Variants in TLR10 observed in about 807,000 individuals in gnomAD.
TLR10 encodes the protein toll like receptor 10, also known as toll-like receptor 10.
For missense variants in TLR10, 929 were observed against 932.9 expected (o/e 1.00, Z 0.05); for synonymous variants, 288 against 338.8 (o/e 0.85, Z 1.65).
intron 1 of TLR10, among the ~76,000 whole-genome samples, chr4:38,780,730 A>G (rs901864745): frequency 2.6e-5 from 4 of 152,254 alleles, no homozygotes; most frequent in African/African-American, 9.6e-5. Context: ...ATTTTTAAAA[A>G]TGAAAATTAA....
intron 1 of TLR10, among the ~76,000 whole-genome samples, chr4:38,777,211 T>C (rs6856864): frequency 0.095 from 14,448 of 152,066 alleles, 1,170 homozygotes; most frequent in African/African-American, 0.2. Context: ...TGATCAAAAA[T>C]GGCCTCCCTG....
intron 1 of TLR10, among the ~76,000 whole-genome samples, chr4:38,778,396 C>T (rs1288638779): frequency 6.6e-5 from 10 of 151,518 alleles, no homozygotes; most frequent in African/African-American, 2.4e-4. Context: ...CAAACATGCA[C>T]GTTCCGCACA....
chr4:38,775,700 C>T lies in TLR10; in HGVS notation c.-62-48G>A. On this transcript the variant is annotated intron_variant, in intron 3 of 3. Coordinates refer to ENST00000308973, the MANE Select transcript of TLR10 (RefSeq NM_030956.4). ...AGATTTTTATTTGGTTTGTTAAATC[C>T]TGTAGGATTTTTATTTGCAAAAAAA... 11 of 1,167,958 alleles carry T rather than the reference C, an allele frequency of 9.4e-6. No individual in the cohort carries two copies. The South Asian group carries it at 2.1e-4, about 23-fold the overall frequency. The allele number at this position is 1,167,958 out of a possible 1,614,324, so 72.3% of individuals were successfully genotyped here. A position where few individuals can be genotyped will look rare whatever the true frequency, so the allele number is the denominator to read the frequency against.
chr4:38,773,151 G>A lies in TLR10; in HGVS notation c.*4C>T, dbSNP rs765138772. 1 of 1,512,166 alleles carries A rather than the reference G, an allele frequency of 6.6e-7. No homozygotes were observed. Among genetic ancestry groups the A allele is most frequent in the South Asian group, 1.4e-5 (1 of 72,290 alleles). 93.7% of individuals were successfully genotyped at this position (1,512,166 alleles called of 1,614,324 possible). A position where few individuals can be genotyped will look rare whatever the true frequency, so the allele number is the denominator to read the frequency against. On this transcript the variant is annotated 3_prime_UTR_variant, in exon 4 of 4. Transcript: ENST00000308973. ...GTCCCCAACTTCCCAAGGACTGTGG[G>A]ATTTTATAGACAATCTGTTCTCATC...
In TLR10 at chr4:38,773,777, C is replaced by A. The variant is rs1724810624; in HGVS notation, c.1814G>T (p.Trp605Leu). ...GCATTGACCTAGCATCCTGAGATAC[C>A]AGGGCAGATCAAAGTGGAGACAGCA... The part of the protein sequence containing the change: ...AFCCLHFDLP[W>L]YLRMLGQCTQ... Residue 605 changes from tryptophan (W) to leucine (L), a missense_variant, in exon 4 of 4, where the codon TGG (tryptophan) becomes TTG (leucine). Transcript: ENST00000308973. The A allele has an allele frequency of 1.2e-6, 2 of 1,606,184 alleles. No homozygotes were observed. The highest frequency in any genetic ancestry group is 1.7e-6 in the Non-Finnish European group (2 of 1,176,894).
chr4:38,782,377 C>T (rs1465592008), intron 1 of TLR10, among the ~76,000 whole-genome samples: 1 of 152,152 alleles, frequency 6.6e-6, no homozygotes, highest in East Asian at 1.9e-4. Context: ...TATCAAGAAA[C>T]CAAATGCTCA....
At position 38,772,923 on chromosome 4, in the gene TLR10, A is replaced by G. The variant is rs940419285; in HGVS notation, c.*232T>C. 3.1e-6 allele frequency: 1 copy of G among 318,124 alleles called. No homozygotes were observed. Among genetic ancestry groups the G allele is most frequent in the East Asian group, 6.2e-5 (1 of 16,190 alleles). The allele number at this position is 318,124 out of a possible 1,614,324, so 19.7% of individuals were successfully genotyped here. A position where few individuals can be genotyped will look rare whatever the true frequency, so the allele number is the denominator to read the frequency against. Reference sequence around the variant, plus strand: ...AGAGTGAGCCACTGCACCTGGCCACATTTTTCATGATTATAAACAATCCTG... The same window carrying G: ...AGAGTGAGCCACTGCACCTGGCCACGTTTTTCATGATTATAAACAATCCTG... On this transcript the variant is annotated 3_prime_UTR_variant, in exon 4 of 4. Transcript: ENST00000308973.
rs370130444 is a variant in TLR10, at chr4:38,774,336, A to G, written c.1255T>C (p.Trp419Arg). ...LQHKNDENCS[W>R]PETVVNMNLS... ...TTCATATTGACCACAGTTTCTGGCC[A>G]TGAGCAATTTTCATCATTTTTATGT... Residue 419 changes from tryptophan (W) to arginine (R), a missense_variant, in exon 4 of 4, where the codon TGG (tryptophan) becomes CGG (arginine). Transcript: ENST00000308973. The G allele has an allele frequency of 6.0e-5, 97 of 1,611,646 alleles. 1 individual carries two copies. The Middle Eastern group carries it at 8.2e-4, about 14-fold the overall frequency.
In TLR10 at chr4:38,774,622, C is replaced by G. The variant is rs1199917014; in HGVS notation, c.969G>C (p.Leu323Phe). 6.3e-6 allele frequency: 10 copies of G among 1,583,736 alleles called. No individual in the cohort carries two copies. Among genetic ancestry groups the G allele is most frequent in the Non-Finnish European group, 7.7e-6 (9 of 1,169,396 alleles). The change falls in exon 4 of 4, where the codon TTG becomes TTC. Residue 323 changes from leucine (L) to phenylalanine (F), a missense_variant. Leu to Phe is a conservative substitution (Grantham distance 22). Coordinates refer to ENST00000308973, the MANE Select transcript of TLR10 (RefSeq NM_030956.4). ...YIQQDKIYLL[L>F]TKMDIENLTI... Reference sequence around the variant, plus strand: ...TCAGGTTTTCTATGTCCATTTTGGTCAAAAGCAAATAGATTTTATCCTGTT... The same window carrying G: ...TCAGGTTTTCTATGTCCATTTTGGTGAAAAGCAAATAGATTTTATCCTGTT...
chr4:38,780,403 C>CAAAAAA (rs531723110), intron 1 of TLR10, among the ~76,000 whole-genome samples: 12,499 of 140,268 alleles, frequency 0.089, 1,014 homozygotes, highest in African/African-American at 0.18. Context: ...GACTCAGTTT[C>CAAAAAA]AAAAAAAAAA....
chr4:38,781,446 T>G (rs543733096), intron 1 of TLR10, among the ~76,000 whole-genome samples: 191 of 152,276 alleles, frequency 1.3e-3, no homozygotes, highest in Admixed American at 3.6e-3. Flanking sequence ...GCGATTCTCC[T>G]GCCGCAGCCT....
In TLR10 at chr4:38,774,170, G is replaced by A; in HGVS notation, c.1421C>T (p.Ala474Val). 3.1e-6 allele frequency: 5 copies of A among 1,611,172 alleles called. No individual in the cohort carries two copies. Among genetic ancestry groups the A allele is most frequent in the Non-Finnish European group, 4.2e-6 (5 of 1,178,558 alleles). The change falls in exon 4 of 4, where the codon GCA becomes GTA. Residue 474 changes from alanine to valine, a missense_variant. By Grantham distance (64) the Ala-to-Val change is moderately conservative. Transcript: ENST00000308973. ...HLMALRELNI[A>V]FNFLTDLPGC... is the part of the protein sequence containing the mutation. ...AGGGAGATCAGTTAGAAAATTAAAT[G>A]CAATATTTAGTTCTCGTAAGGCCAT...
In TLR10 at chr4:38,774,882, G is replaced by T; in HGVS notation, c.709C>A (p.Leu237Ile). 1.2e-6 allele frequency: 2 copies of T among 1,608,048 alleles called. No homozygotes were observed. Among genetic ancestry groups the T allele is most frequent in the Non-Finnish European group, 1.7e-6 (2 of 1,177,478 alleles). The change falls in exon 4 of 4, where the codon CTT becomes ATT. Residue 237 changes from leucine to isoleucine, a missense_variant. By Grantham distance (5) the Leu-to-Ile change is conservative. Coordinates refer to ENST00000308973, the MANE Select transcript of TLR10 (RefSeq NM_030956.4). The part of the protein sequence containing the change: ...QFVSYEMQRN[L>I]SLENAKTSVL... ...GATGTCTTAGCATTTTCTAAACTAA[G>T]ATTTCGTTGCATTTCATAACTTACA... is the stretch of plus-strand genomic sequence containing the variant.
chr4:38,774,402 T>G lies in TLR10; in HGVS notation c.1189A>C (p.Thr397Pro), dbSNP rs1349401772. ...LSLVSCFANN[T>P]PLEHLDLSQN... ...CTCAGATCCAAGTGTTCCAAGGGTG[T>G]GTTGTTAGCAAAGCAACTTACTAAA... The change falls in exon 4 of 4, where the codon ACA (threonine) becomes CCA (proline). Residue 397 changes from threonine (T) to proline (P), a missense_variant. By Grantham distance (38) the Thr-to-Pro change is conservative. Coordinates refer to ENST00000308973, the MANE Select transcript of TLR10 (RefSeq NM_030956.4). 1 of 1,613,216 alleles carries G rather than the reference T, an allele frequency of 6.2e-7. No homozygotes were observed. Among genetic ancestry groups the G allele is most frequent in the Non-Finnish European group, 8.5e-7 (1 of 1,179,826 alleles).
Position 38,772,971 on chromosome 4 carries a change from G to T in TLR10, c.*184C>A. 2.0e-6 allele frequency: 1 copy of T among 494,810 alleles called. No homozygotes were observed. The highest frequency in any genetic ancestry group is 3.2e-6 in the Non-Finnish European group (1 of 311,762). 30.7% of individuals were successfully genotyped at this position (494,810 alleles called of 1,614,324 possible). Reference sequence around the variant, plus strand: ...CTGGGATGAACACCTTTTTCCATAAGCCCTTATAAACTTGTGAAGGTGTTT... The same window carrying T: ...CTGGGATGAACACCTTTTTCCATAATCCCTTATAAACTTGTGAAGGTGTTT... On this transcript the variant is annotated 3_prime_UTR_variant, in exon 4 of 4. Coordinates refer to ENST00000308973, the MANE Select transcript of TLR10 (RefSeq NM_030956.4).
rs1724993579 is a variant in TLR10, at chr4:38,775,406, T to C, written c.185A>G (p.Gln62Arg). 6.2e-7 allele frequency: 1 copy of C among 1,613,978 alleles called. No homozygotes were observed. Among genetic ancestry groups the C allele is most frequent in the South Asian group, 1.1e-5 (1 of 91,086 alleles). ...TLDLSYNLLF[Q>R]LQSSDFHSVS... ...AGAATGAAAATCTGAACTCTGGAGT[T>C]GAAAAAGGAGGTTATAGGATAAATC... The change falls in exon 4 of 4, where the codon CAA (glutamine) becomes CGA (arginine). Residue 62 changes from glutamine to arginine, a missense_variant. Transcript: ENST00000308973.
Position 38,774,648 on chromosome 4 carries a change from G to C in TLR10, c.943C>G (p.Gln315Glu), listed in dbSNP as rs1396188653. 2 of 1,569,832 alleles carry C rather than the reference G, an allele frequency of 1.3e-6. No individual in the cohort carries two copies. The highest frequency in any genetic ancestry group is 2.4e-5 in the South Asian group (2 of 82,360). ...AAAAGCAAATAGATTTTATCCTGTT[G>C]AATGTAAAACACTCTGAAATGTACA... The part of the protein sequence containing the change: ...EHVHFRVFYI[Q>E]QDKIYLLLTK... The change falls in exon 4 of 4, where the codon CAA (glutamine) becomes GAA (glutamate). Residue 315 changes from glutamine (Q) to glutamate (E), a missense_variant. Gln to Glu is a conservative substitution (Grantham distance 29). Transcript: ENST00000308973.
chr4:38,780,716 A>G (rs1007498206), intron 1 of TLR10, among the ~76,000 whole-genome samples: 2 of 152,234 alleles, frequency 1.3e-5, no homozygotes, highest in Non-Finnish European at 2.9e-5. Context: ...TGTTTACATG[A>G]AATATTTTTA....
chr4:38,776,915 G>A (rs745425419), intron 1 of TLR10, among the ~76,000 whole-genome samples: 4 of 152,160 alleles, frequency 2.6e-5, no homozygotes, highest in Non-Finnish European at 5.9e-5. Flanking sequence ...CATGTCTTAT[G>A]TGGCAGCAGG....
Sources: allele counts gnomAD v4.1 joint callset (sites outside exome capture counted in the v4.1 genomes callset), GRCh38; gene constraint gnomAD v4.1.1; transcripts MANE v1.5; gene names NCBI Gene and HGNC (gene_info 2026-07-23, HGNC 2026-07-21).